The following SPACA6 variants were observed in gnomAD, a reference collection of about 807,000 sequenced individuals.
The protein encoded by SPACA6 is sperm acrosome membrane-associated protein 6.
For missense variants in SPACA6, 8 were observed against 2.8 expected, an observed-to-expected ratio of 2.88 and a Z score of -1.34; for synonymous variants, 6 against 1.5, an observed-to-expected ratio of 4.05 and a Z score of -2.21.
intron 3 of SPACA6, 158 bp downstream of exon 3, chr19:51,701,884 C>T (rs757332265): frequency 5.1e-5 from 19 of 370,110 alleles, no homozygotes; most frequent in Non-Finnish European, 6.8e-5. Flanking sequence ...AGCAGTCTGA[C>T]CAACATGGTG....
downstream of SPACA6, chr19:51,705,489 A>G (rs948495557): frequency 1.0e-5 from 2 of 190,836 alleles, no homozygotes; most frequent in Non-Finnish European, 2.1e-5. Context: ...CAAACCAGAA[A>G]CCTTGGAATC....
At chr19:51,710,735 G>A (rs1252443619) in intron 2 of SPACA6, among the ~76,000 whole-genome samples, 1 of 152,178 alleles carries the variant, frequency 6.6e-6, no homozygotes, top group Non-Finnish European at 1.5e-5. Context: ...GAGGATGAGA[G>A]GATCCAGGAA....
In SPACA6 at chr19:51,703,248, CG is replaced by C; in HGVS notation, c.488del (p.Gly163AlafsTer10). On this transcript the variant is annotated frameshift_variant, in exon 6 of 9. Coordinates refer to ENST00000637797, the MANE Select transcript of SPACA6 (RefSeq NM_001316972.2). LOFTEE classifies it high-confidence loss of function. The surrounding 1 kb of genome is among the most constrained non-coding windows in gnomAD (Gnocchi z 4.2). Reference protein sequence around the residue: ...DCPVQDVTVTRGDQAMFSCIV... With the variant: ...DCPVQDVTVTXGDQAMFSCIV... ...TTCAGTTCAGGATGTGACAGTGACT[CG>C]GGGCGACCAGGCTATGTTTTCTTGC... 1 of 399,398 alleles carries C rather than the reference CG, an allele frequency of 2.5e-6. No individual in the cohort carries two copies. The highest frequency in any genetic ancestry group is 4.4e-6 in the Non-Finnish European group (1 of 226,112). 24.7% of individuals were successfully genotyped at this position (399,398 alleles called of 1,614,324 possible). A position where few individuals can be genotyped will look rare whatever the true frequency, so the allele number is the denominator to read the frequency against.
downstream of SPACA6, among the ~76,000 whole-genome samples, chr19:51,707,512 G>T (rs994810694): frequency 6.6e-6 from 1 of 152,070 alleles, no homozygotes; most frequent in Non-Finnish European, 1.5e-5. Context: ...GTGAGCCACC[G>T]CGCCTGGCCA....
chr19:51,708,593 G>A (rs1040418946), downstream of SPACA6, among the ~76,000 whole-genome samples: 13 of 152,152 alleles, frequency 8.5e-5, no homozygotes, highest in Non-Finnish European at 1.5e-4. Flanking sequence ...TTGGGAGGCC[G>A]AGACGGGTGG....
downstream of SPACA6, among the ~76,000 whole-genome samples, chr19:51,709,897 A>C (rs977302263): frequency 2.0e-5 from 3 of 152,128 alleles, no homozygotes; most frequent in African/African-American, 7.2e-5. Context: ...AGAAGGAGAG[A>C]GGCCAAGAGT....
upstream of SPACA6, among the ~76,000 whole-genome samples, chr19:51,689,933 G>A (rs1490002250): frequency 6.6e-6 from 1 of 151,456 alleles, no homozygotes; most frequent in African/African-American, 2.4e-5. Flanking sequence ...GCAGCGGAAG[G>A]GTTAACGTCT....
chr19:51,706,673 T>C (rs1197146418), downstream of SPACA6, among the ~76,000 whole-genome samples: 2 of 151,978 alleles, frequency 1.3e-5, no homozygotes, highest in Admixed American at 1.3e-4. Context: ...GTTAACTCTT[T>C]TTTTTTTTTG....
chr19:51,688,956 G>GGGAGAGAA (rs71189611), upstream of SPACA6, among the ~76,000 whole-genome samples: 1 of 151,516 alleles, frequency 6.6e-6, no homozygotes, highest in African/African-American at 2.4e-5. Flanking sequence ...GAGGGAGAGA[G>GGGAGAGAA]AGAGCGAGAG....
rs1201792980 is a variant in SPACA6, at chr19:51,703,591, G to GT, written c.573+257dup. Among the ~76,000 whole-genome samples, 6 of 152,168 alleles carry GT rather than the reference G, an allele frequency of 3.9e-5. No homozygotes were observed. Among genetic ancestry groups the GT allele is most frequent in the Admixed American group, 1.3e-4 (2 of 15,280 alleles). On this transcript the variant is annotated intron_variant, in intron 6 of 8. Coordinates refer to ENST00000637797, the MANE Select transcript of SPACA6 (RefSeq NM_001316972.2). This position sits in a 1 kb window ranked among gnomAD's most constrained non-coding sequence, Gnocchi z 4.2. ...GCGGGAGGATGGCTTGAGCCCAGGAGTTTGAGACCGGCCTCGGCAACAAAT... is the reference window on the plus strand; with the variant it reads ...GCGGGAGGATGGCTTGAGCCCAGGAGTTTTGAGACCGGCCTCGGCAACAAAT...
At chr19:51,698,228 C>T (rs752376142) in intron 2 of SPACA6, among the ~76,000 whole-genome samples, 6 of 152,118 alleles carry the variant, frequency 3.9e-5, no homozygotes, top group African/African-American at 7.2e-5. Context: ...GTGCTCAAGA[C>T]GGAAGCACCA....
intron 2 of SPACA6, among the ~76,000 whole-genome samples, chr19:51,695,629 A>G (rs898835703): frequency 2.0e-5 from 3 of 152,158 alleles, no homozygotes; most frequent in Admixed American, 6.5e-5. Context: ...AAACCTCTCC[A>G]TGTGGGGGTG....
At chr19:51,693,022 C>T, upstream of SPACA6, 1 of 367,972 alleles carries the variant, frequency 2.7e-6, no homozygotes, top group Non-Finnish European at 5.5e-6. Flanking sequence ...TGTTTTCCTT[C>T]CCTGTCTGTC....
chr19:51,691,807 G>C (rs924916341), upstream of SPACA6, among the ~76,000 whole-genome samples: 7 of 151,124 alleles, frequency 4.6e-5, no homozygotes, highest in African/African-American at 1.7e-4. Flanking sequence ...GAGCCCAGGG[G>C]TGGGGAGGGT....
At chr19:51,700,120 G>T (rs1406291976) in intron 2 of SPACA6, among the ~76,000 whole-genome samples, 1 of 152,308 alleles carries the variant, frequency 6.6e-6, no homozygotes, top group East Asian at 1.9e-4. Context: ...CGAGCATGGT[G>T]GTGGGTGCCT....
chr19:51,705,403 C>T (rs2083510861), downstream of SPACA6: 2 of 302,872 alleles, frequency 6.6e-6, no homozygotes, highest in Non-Finnish European at 1.2e-5. Flanking sequence ...TAGAGTCCTC[C>T]ATGTTGCCCT....
At chr19:51,699,838 T>C (rs1034995647) in intron 2 of SPACA6, among the ~76,000 whole-genome samples, 2 of 152,158 alleles carry the variant, frequency 1.3e-5, no homozygotes, top group African/African-American at 4.8e-5. Context: ...CGGCACGATT[T>C]AGCCGATAAA....
chr19:51,684,549 C>A (rs1868940), upstream of SPACA6, among the ~76,000 whole-genome samples: 26,782 of 152,084 alleles, frequency 0.18, 2,616 homozygotes, highest in African/African-American at 0.23. Flanking sequence ...TACAAGTCCA[C>A]CAGGGGCAAA....
At chr19:51,691,770 G>C (rs1395946416), upstream of SPACA6, among the ~76,000 whole-genome samples, 6 of 150,696 alleles carry the variant, frequency 4.0e-5, no homozygotes. Flanking sequence ...GGCTGGGCAC[G>C]GGAGAGACCC....
Sources: gnomAD v4.1 joint callset for allele counts (sites outside exome capture counted in the v4.1 genomes callset) on GRCh38, gnomAD v4.1.1 for gene constraint, Gnocchi (gnomAD v3.1) non-coding constraint, MANE v1.5 for transcripts, NCBI Gene and HGNC (gene_info 2026-07-23, HGNC 2026-07-21) for gene names.